The following ZNF714 variants were observed in gnomAD, a reference collection of about 807,000 sequenced individuals.
The protein encoded by ZNF714 is zinc finger protein 714.
Under a neutral mutation model 46.2 loss-of-function variants are expected in ZNF714, and 32 were observed. The ratio of observed to expected loss-of-function variants is 0.69; its 90% CI spans 0.52 to 0.93. The LOEUF (loss-of-function observed/expected upper bound fraction) is 0.93. Among genes scored for constraint, ZNF714 ranks in the 40% least tolerant of loss-of-function variants. The pLI is 0.00. For missense variants in ZNF714, 635 were observed against 646.3 expected (o/e 0.98, Z 0.19); for synonymous variants, 199 against 213.1 (o/e 0.93, Z 0.58).
rs946567271 is a variant in ZNF714, at chr19:21,118,875, C to T, written c.*543C>T. 1 of 211,354 alleles carries T rather than the reference C, an allele frequency of 4.7e-6. No homozygotes were observed. Among genetic ancestry groups the T allele is most frequent in the Admixed American group, 5.7e-5 (1 of 17,490 alleles). The allele number at this position is 211,354 out of a possible 1,614,324, so 13.1% of individuals were successfully genotyped here. A position where few individuals can be genotyped will look rare whatever the true frequency, so the allele number is the denominator to read the frequency against. Reference sequence around the variant, plus strand: ...ACAAAGCCTTTAAATGGTTGTCACACTTGATTGTAGGTAAGATAATTCATA... The same window carrying T: ...ACAAAGCCTTTAAATGGTTGTCACATTTGATTGTAGGTAAGATAATTCATA... On this transcript the variant is annotated 3_prime_UTR_variant, in exon 5 of 5. Coordinates refer to ENST00000456283, the MANE Select transcript of ZNF714 (RefSeq NM_182515.4).
chr19:21,118,649 C>T lies in ZNF714; in HGVS notation c.*317C>T. 1 of 244,228 alleles carries T rather than the reference C, an allele frequency of 4.1e-6. No individual in the cohort carries two copies. Among genetic ancestry groups the T allele is most frequent in the Non-Finnish European group, 8.3e-6 (1 of 120,750 alleles). The allele number at this position is 244,228 out of a possible 1,614,324, so 15.1% of individuals were successfully genotyped here. ...TCTTACTAGGCATTAAAAATTCATA[C>T]TGTACAGAAACCCTACGAGGGTGAA... On this transcript the variant is annotated 3_prime_UTR_variant, in exon 5 of 5. Coordinates refer to ENST00000456283, the MANE Select transcript of ZNF714 (RefSeq NM_182515.4).
intron 4 of ZNF714, among the ~76,000 whole-genome samples, chr19:21,100,243 G>A (rs1396083605): frequency 6.6e-6 from 1 of 151,578 alleles, no homozygotes; most frequent in Non-Finnish European, 1.5e-5. Context: ...TTTTACCTTG[G>A]CCAGCCGCAG....
chr19:21,097,213 C>T (rs902081458), intron 2 of ZNF714, among the ~76,000 whole-genome samples: 14 of 152,130 alleles, frequency 9.2e-5, no homozygotes, highest in Non-Finnish European at 7.4e-5. Context: ...GAAAATTATT[C>T]AGAGATACCT....
At chr19:21,097,251 ACTT>A (rs1969063222) in intron 2 of ZNF714, among the ~76,000 whole-genome samples, 1 of 152,202 alleles carries the variant, frequency 6.6e-6, no homozygotes, top group African/African-American at 2.4e-5. Context: ...AGAAAGGACT[ACTT>A]AAAATCATTA....
chr19:21,092,866 T>C (rs1968944897), intron 2 of ZNF714, among the ~76,000 whole-genome samples: 1 of 151,824 alleles, frequency 6.6e-6, no homozygotes, highest in African/African-American at 2.4e-5. Flanking sequence ...CTAAGGATAA[T>C]GGTCTCCAGT....
chr19:21,082,438 G>T lies in ZNF714; in HGVS notation c.-177+90G>T. The T allele has an allele frequency of 3.1e-6, 4 of 1,279,934 alleles. No homozygotes were observed. In the South Asian group the frequency reaches 4.9e-5, roughly 16 times the overall value. The allele number at this position is 1,279,934 out of a possible 1,614,324, so 79.3% of individuals were successfully genotyped here. ...GCTGTGGTGGGACTTAGGCCTCCCC[G>T]CAGTCAACTCTACAATCTGCGCCCG... On this transcript the variant is annotated intron_variant, in intron 1 of 4. Coordinates refer to ENST00000456283, the MANE Select transcript of ZNF714 (RefSeq NM_182515.4).
rs781525435 is a variant in ZNF714, at chr19:21,116,948, G to A, written c.284G>A (p.Cys95Tyr). ...AAAGGCTCCGCAAATGTGGTTGAGT[G>A]TAAGGTGTACAAAAAAGGTTATAAT... is the stretch of plus-strand genomic sequence containing the variant. The part of the protein sequence containing the change: ...LRKGSANVVE[C>Y]KVYKKGYNEL... The change falls in exon 5 of 5, where the codon TGT (cysteine) becomes TAT (tyrosine). Residue 95 changes from cysteine (C) to tyrosine (Y), a missense_variant. Cys to Tyr is a radical substitution (Grantham distance 194, BLOSUM62 -2). Coordinates refer to ENST00000456283, the MANE Select transcript of ZNF714 (RefSeq NM_182515.4). 4 of 1,611,746 alleles carry A rather than the reference G, an allele frequency of 2.5e-6. No homozygotes were observed. Among genetic ancestry groups the A allele is most frequent in the Admixed American group, 3.3e-5 (2 of 59,786 alleles).
chr19:21,123,711 C>G lies in ZNF714; in HGVS notation c.*5379C>G, dbSNP rs1969747057. 6.6e-6 allele frequency: 1 copy of G among 152,150 alleles called. No homozygotes were observed. Among genetic ancestry groups the G allele is most frequent in the Admixed American group, 6.5e-5 (1 of 15,270 alleles). 9.4% of individuals were successfully genotyped at this position (152,150 alleles called of 1,614,324 possible). A position where few individuals can be genotyped will look rare whatever the true frequency, so the allele number is the denominator to read the frequency against. On this transcript the variant is annotated 3_prime_UTR_variant, in exon 5 of 5. Transcript: ENST00000456283. Reference sequence around the variant, plus strand: ...CACAATTTACATTTCCGTGCAGAATCTTTTAAGTGTGGTGGTAAAGATTGC... The same window carrying G: ...CACAATTTACATTTCCGTGCAGAATGTTTTAAGTGTGGTGGTAAAGATTGC...
intron 4 of ZNF714, among the ~76,000 whole-genome samples, chr19:21,113,582 C>G (rs905444596): frequency 6.6e-6 from 1 of 151,290 alleles, no homozygotes; most frequent in Non-Finnish European, 1.5e-5. Context: ...TCTTGGCTCA[C>G]TGTAACCTCC....
At chr19:21,108,471 G>C (rs1397427294) in intron 4 of ZNF714, among the ~76,000 whole-genome samples, 2 of 152,194 alleles carry the variant, frequency 1.3e-5, no homozygotes, top group African/African-American at 4.8e-5. Flanking sequence ...AATTCTTCAT[G>C]AATGCCTTTG....
At chr19:21,089,075 A>G (rs1245720184) in intron 2 of ZNF714, among the ~76,000 whole-genome samples, 2 of 152,184 alleles carry the variant, frequency 1.3e-5, no homozygotes, top group Non-Finnish European at 2.9e-5. Context: ...ATTACATGCC[A>G]AAGTTCTTTT....
chr19:21,111,026 C>T (rs1969439415), intron 4 of ZNF714, among the ~76,000 whole-genome samples: 1 of 152,094 alleles, frequency 6.6e-6, no homozygotes, highest in African/African-American at 2.4e-5. Context: ...TATCATGATG[C>T]CTCCAGCTTT....
In ZNF714 at chr19:21,098,202, G is replaced by C. The variant is rs369719006; in HGVS notation, c.-67G>C. The C allele has an allele frequency of 2.1e-4, 335 of 1,611,414 alleles. 1 individual carries two copies. In the African/African-American group the frequency reaches 4.2e-3, roughly 20 times the overall value. ...TTTTTCAGGAGACGTTGACATTTAG[G>C]GATGTGGCCATAGAATTCTCTCTGG... On this transcript the variant is annotated 5_prime_UTR_variant, in exon 3 of 5. Transcript: ENST00000456283.
At chr19:21,095,951 A>G (rs968496587) in intron 2 of ZNF714, among the ~76,000 whole-genome samples, 1 of 152,158 alleles carries the variant, frequency 6.6e-6, no homozygotes, top group African/African-American at 2.4e-5. Flanking sequence ...GTGAAACTCC[A>G]GGGCCTCATA....
rs1363276046 is a variant in ZNF714 at position 21,119,118 on chromosome 19, C to T, written c.*786C>T. 2.2e-6 allele frequency: 1 copy of T among 452,096 alleles called. No individual in the cohort carries two copies. The highest frequency in any genetic ancestry group is 4.4e-6 in the Non-Finnish European group (1 of 225,202). 28.0% of individuals were successfully genotyped at this position (452,096 alleles called of 1,614,324 possible). A position where few individuals can be genotyped will look rare whatever the true frequency, so the allele number is the denominator to read the frequency against. On this transcript the variant is annotated 3_prime_UTR_variant, in exon 5 of 5. Coordinates refer to ENST00000456283, the MANE Select transcript of ZNF714 (RefSeq NM_182515.4). ...CAAAAGACCTTTCAGAAAATACAAG[C>T]TTTTGACCAGGCGTGGTGGCTCAGG... is the stretch of plus-strand genomic sequence containing the variant.
Position 21,121,650 on chromosome 19 carries a change from G to C in ZNF714, c.*3318G>C, listed in dbSNP as rs1210180597. The stretch of plus-strand genomic sequence containing the variant: ...TGAGTTTGTACCTATTTTCAGAAAA[G>C]AACAATATGGGAATAAAAATCATTT... On this transcript the variant is annotated 3_prime_UTR_variant, in exon 5 of 5. Transcript: ENST00000456283. The C allele has an allele frequency of 6.6e-6, 1 of 152,040 alleles. No homozygotes were observed. The highest frequency in any genetic ancestry group is 6.6e-5 in the Admixed American group (1 of 15,264). 9.4% of individuals were successfully genotyped at this position (152,040 alleles called of 1,614,324 possible).
intron 4 of ZNF714, 28 bp downstream of exon 4, chr19:21,098,938 C>T: frequency 9.1e-7 from 1 of 1,099,920 alleles, no homozygotes; most frequent in Non-Finnish European, 1.3e-6. Context: ...CAACAGATGA[C>T]ACAGATGAGA....
rs138809595 is a variant in ZNF714 at position 21,110,975 on chromosome 19, G to T, written c.143-5832G>T. On this transcript the variant is annotated intron_variant, in intron 4 of 4. Transcript: ENST00000456283. ...TCTGTTTTTATAACAGTACCAGGCA[G>T]CTTTGGTTACTATAGCCTTCTAGTA... Among the ~76,000 whole-genome samples, 586 of 152,254 alleles carry T rather than the reference G, an allele frequency of 3.8e-3. 5 individuals are homozygous for T. Among genetic ancestry groups the T allele is most frequent in the African/African-American group, 0.013 (560 of 41,544 alleles).
At position 21,120,772 on chromosome 19, in the gene ZNF714, T is replaced by C. The variant is rs997479537; in HGVS notation, c.*2440T>C. ...ATGGATTAACATCTCTAGTAATTTT[T>C]TTTGCCAGTGGCTTTAAACCGCAAA... is the stretch of plus-strand genomic sequence containing the variant. On this transcript the variant is annotated 3_prime_UTR_variant, in exon 5 of 5. Coordinates refer to ENST00000456283, the MANE Select transcript of ZNF714 (RefSeq NM_182515.4). 2 of 151,872 alleles carry C rather than the reference T, an allele frequency of 1.3e-5. No individual in the cohort carries two copies. Among genetic ancestry groups the C allele is most frequent in the African/African-American group, 4.8e-5 (2 of 41,480 alleles). 9.4% of individuals were successfully genotyped at this position (151,872 alleles called of 1,614,324 possible). A position where few individuals can be genotyped will look rare whatever the true frequency, so the allele number is the denominator to read the frequency against.
Sources: allele counts gnomAD v4.1 joint callset (sites outside exome capture counted in the v4.1 genomes callset), GRCh38; gene constraint gnomAD v4.1.1; transcripts MANE v1.5; gene names NCBI Gene and HGNC (gene_info 2026-07-23, HGNC 2026-07-21).